The following EDIL3 variants were observed in gnomAD, a reference collection of about 807,000 sequenced individuals.
EDIL3 encodes EGF-like repeat and discoidin I-like domain-containing protein 3.
In EDIL3, 37 loss-of-function variants were observed where a neutral mutation model predicts 67.4. That is an observed-to-expected ratio of 0.55 (90% CI 0.42 to 0.72). The LOEUF (loss-of-function observed/expected upper bound fraction) is 0.72. Among genes scored for constraint, EDIL3 ranks in the 30% least tolerant of loss-of-function variants. The pLI, the probability that EDIL3 is intolerant of heterozygous loss-of-function variation, is 0.00. For missense variants in EDIL3, 527 were observed against 586.3 expected (o/e 0.90, Z 1.04); for synonymous variants, 195 against 196.3 (o/e 0.99, Z 0.05).
chr5:84,031,532 T>A (rs1444685526), intron 9 of EDIL3, among the ~76,000 whole-genome samples: 1 of 152,162 alleles, frequency 6.6e-6, no homozygotes, highest in Non-Finnish European at 1.5e-5. Flanking sequence ...GGTAATTCGG[T>A]CATGAATGTG....
intron 9 of EDIL3, among the ~76,000 whole-genome samples, chr5:83,974,822 C>T (rs1001152268): frequency 6.6e-6 from 1 of 151,884 alleles, no homozygotes; most frequent in Non-Finnish European, 1.5e-5. Context: ...GTTATTGATG[C>T]TAATTTCCAT....
intron 1 of EDIL3, among the ~76,000 whole-genome samples, chr5:84,333,104 T>A (rs760876214): frequency 6.6e-6 from 1 of 152,102 alleles, no homozygotes; most frequent in Non-Finnish European, 1.5e-5. Flanking sequence ...CACCCTTTCA[T>A]AAAGAACTAA....
intron 5 of EDIL3, among the ~76,000 whole-genome samples, chr5:84,135,874 T>C (rs911213549): frequency 2.0e-5 from 3 of 152,102 alleles, no homozygotes; most frequent in African/African-American, 7.2e-5. Context: ...AGTTTAATTA[T>C]TTTGTGTGGT....
chr5:84,133,400 A>C (rs1429009071), intron 5 of EDIL3, among the ~76,000 whole-genome samples: 1 of 150,350 alleles, frequency 6.7e-6, no homozygotes, highest in Non-Finnish European at 1.5e-5. Flanking sequence ...AGGTGAGAAG[A>C]TCATTCAAGG....
chr5:84,313,887 C>A, intron 1 of EDIL3, among the ~76,000 whole-genome samples: 1 of 152,038 alleles, frequency 6.6e-6, no homozygotes, highest in East Asian at 1.9e-4. Context: ...TAGTGGAGTG[C>A]GGTAGTGGAG....
chr5:84,051,267 G>A (rs1321336207), intron 9 of EDIL3, among the ~76,000 whole-genome samples: 3 of 152,164 alleles, frequency 2.0e-5, no homozygotes, highest in African/African-American at 7.2e-5. Context: ...ATGTTAAAAG[G>A]AAAACTAACA....
intron 1 of EDIL3, among the ~76,000 whole-genome samples, chr5:84,361,026 G>GCTC: frequency 6.6e-6 from 1 of 152,104 alleles, no homozygotes; most frequent in African/African-American, 2.4e-5. Flanking sequence ...TGCTAGCAAT[G>GCTC]AGTAGCTCAG....
At position 84,106,847 on chromosome 5, in the gene EDIL3, G is replaced by A. The variant is rs1561433460; in HGVS notation, c.470-17C>T. 5 of 1,580,066 alleles carry A rather than the reference G, an allele frequency of 3.2e-6. No homozygotes were observed. The South Asian group carries it at 3.5e-5, about 11-fold the overall frequency. On this transcript the variant is annotated splice_polypyrimidine_tract_variant and intron_variant, in intron 5 of 10. Coordinates refer to ENST00000296591, the MANE Select transcript of EDIL3 (RefSeq NM_005711.5). ...CTGAGCATTCTGGAAACAAAAACAG[G>A]AAAAAATATGAATGTATTAGAAACA...
At chr5:84,031,597 C>A (rs1745924810) in intron 9 of EDIL3, among the ~76,000 whole-genome samples, 1 of 152,158 alleles carries the variant, frequency 6.6e-6, no homozygotes, top group Non-Finnish European at 1.5e-5. Flanking sequence ...AGAGGTTCCT[C>A]TTTCTCTGCT....
At chr5:84,066,725 T>C (rs1349789263) in intron 6 of EDIL3, 119 bp from the exon 7 acceptor site, 14 of 1,293,260 alleles carry the variant, frequency 1.1e-5, no homozygotes, top group African/African-American at 1.6e-5. Context: ...AAAAAGCTAA[T>C]AATTTTCATG....
intron 5 of EDIL3, among the ~76,000 whole-genome samples, chr5:84,117,966 C>A (rs1747701302): frequency 6.6e-6 from 1 of 151,968 alleles, no homozygotes; most frequent in South Asian, 2.1e-4. Flanking sequence ...TCTTAGAAAT[C>A]ATTATTTTTT....
chr5:84,108,693 G>A (rs1417746255), intron 5 of EDIL3, among the ~76,000 whole-genome samples: 1 of 152,188 alleles, frequency 6.6e-6, no homozygotes, highest in Non-Finnish European at 1.5e-5. Context: ...TGTGACTTTA[G>A]TAATGGCAGG....
intron 1 of EDIL3, among the ~76,000 whole-genome samples, chr5:84,317,622 A>G (rs1386636903): frequency 2.0e-5 from 3 of 152,152 alleles, no homozygotes; most frequent in Non-Finnish European, 4.4e-5. Flanking sequence ...AACCAAAAAA[A>G]GTCCAGGACC....
At chr5:84,027,790 T>C (rs943599531) in intron 9 of EDIL3, among the ~76,000 whole-genome samples, 1 of 152,084 alleles carries the variant, frequency 6.6e-6, no homozygotes, top group Non-Finnish European at 1.5e-5. Context: ...AGAGGCAATA[T>C]GAGTCTGAAC....
intron 9 of EDIL3, among the ~76,000 whole-genome samples, chr5:84,030,159 G>A (rs1406125088): frequency 1.3e-5 from 2 of 152,142 alleles, no homozygotes; most frequent in South Asian, 2.1e-4. Flanking sequence ...GATAAATGCA[G>A]TGCAACACTA....
chr5:84,100,777 T>C (rs1203617483), intron 6 of EDIL3, among the ~76,000 whole-genome samples: 2 of 152,110 alleles, frequency 1.3e-5, no homozygotes, highest in Non-Finnish European at 2.9e-5. Flanking sequence ...CTTTGAGAAA[T>C]TGTGTTTGTT....
intron 1 of EDIL3, among the ~76,000 whole-genome samples, chr5:84,330,300 G>C (rs1352252309): frequency 6.6e-6 from 1 of 152,138 alleles, no homozygotes; most frequent in Non-Finnish European, 1.5e-5. Context: ...ATGTGCAAGA[G>C]TACATCCTGC....
chr5:84,024,982 C>T (rs1580285243), intron 9 of EDIL3, among the ~76,000 whole-genome samples: 1 of 152,120 alleles, frequency 6.6e-6, no homozygotes, highest in South Asian at 2.1e-4. Context: ...CTCTCTCTCC[C>T]TTTTTTTCCT....
intron 1 of EDIL3, among the ~76,000 whole-genome samples, chr5:84,367,797 C>T (rs1216127237): frequency 6.6e-6 from 1 of 152,074 alleles, no homozygotes; most frequent in African/African-American, 2.4e-5. Context: ...ATTTCTACCC[C>T]ATCCTTTCAA....
Sources: gnomAD v4.1 joint callset for allele counts (sites outside exome capture counted in the v4.1 genomes callset) on GRCh38, gnomAD v4.1.1 for gene constraint, MANE v1.5 for transcripts, NCBI Gene and HGNC (gene_info 2026-07-23, HGNC 2026-07-21) for gene names.